Variants in IMMP2L observed in about 807,000 individuals in gnomAD.
IMMP2L encodes the protein mitochondrial inner membrane protease subunit 2.
A neutral mutation model predicts 19.3 loss-of-function variants in IMMP2L; 18 were observed. The observed-to-expected ratio is 0.93, with a 90% CI of 0.64 to 1.38. The LOEUF is 1.38. Ranked by LOEUF, IMMP2L falls within the 40% of genes most tolerant of loss-of-function variation. The pLI is 0.00. For missense variants in IMMP2L, 233 were observed against 218.2 expected (o/e 1.07, Z -0.43); for synonymous variants, 76 against 73.0 (o/e 1.04, Z -0.21).
chr7:111,306,701 G>GCATT, intron 3 of IMMP2L, among the ~76,000 whole-genome samples: 1 of 148,896 alleles, frequency 6.7e-6, no homozygotes, highest in Non-Finnish European at 1.5e-5. Context: ...AAGCTGTAAT[G>GCATT]ATGAGATCTC....
intron 5 of IMMP2L, among the ~76,000 whole-genome samples, chr7:110,723,489 A>G (rs1046475123): frequency 3.3e-5 from 5 of 151,106 alleles, no homozygotes; most frequent in African/African-American, 1.2e-4. Flanking sequence ...TAAAGGGAAT[A>G]AAAGGTAGCT....
chr7:111,442,934 C>T (rs1294758392), intron 3 of IMMP2L, among the ~76,000 whole-genome samples: 1 of 151,856 alleles, frequency 6.6e-6, no homozygotes, highest in Non-Finnish European at 1.5e-5. Context: ...GAAAAAAAGC[C>T]TCTATGTTGA....
intron 4 of IMMP2L, among the ~76,000 whole-genome samples, chr7:110,948,513 G>T (rs1399123570): frequency 6.6e-6 from 1 of 152,136 alleles, no homozygotes; most frequent in African/African-American, 2.4e-5. Context: ...GCTTATAAAA[G>T]AAGCTATAAA....
chr7:111,049,118 C>CTTT (rs1181540031), intron 3 of IMMP2L, among the ~76,000 whole-genome samples: 20 of 28,102 alleles, frequency 7.1e-4, no homozygotes, highest in Admixed American at 1.4e-3. Flanking sequence ...TATGATACTT[C>CTTT]TTTTTTTTTT....
intron 3 of IMMP2L, among the ~76,000 whole-genome samples, chr7:111,302,320 G>A (rs1822345310): frequency 6.6e-6 from 1 of 151,992 alleles, no homozygotes; most frequent in African/African-American, 2.4e-5. Flanking sequence ...TTGTCTCCCT[G>A]ACCTCCTGAA....
chr7:111,339,985 C>T (rs1326853486), intron 3 of IMMP2L, among the ~76,000 whole-genome samples: 1 of 151,862 alleles, frequency 6.6e-6, no homozygotes, highest in Admixed American at 6.6e-5. Flanking sequence ...AAAGAAATAT[C>T]AATTCTTTGT....
chr7:111,465,426 C>T (rs1188917442), intron 3 of IMMP2L, among the ~76,000 whole-genome samples: 1 of 147,318 alleles, frequency 6.8e-6, no homozygotes, highest in Non-Finnish European at 1.5e-5. Context: ...ATTTTCCTCC[C>T]AAAATATGTG....
At chr7:111,289,511 A>T (rs544833344) in intron 3 of IMMP2L, among the ~76,000 whole-genome samples, 1 of 152,248 alleles carries the variant, frequency 6.6e-6, no homozygotes, top group African/African-American at 2.4e-5. Flanking sequence ...TTTGTAAGGT[A>T]ATCGTTATCA....
intron 3 of IMMP2L, among the ~76,000 whole-genome samples, chr7:111,010,522 C>T (rs940042941): frequency 2.6e-5 from 4 of 151,388 alleles, no homozygotes; most frequent in African/African-American, 9.6e-5. Flanking sequence ...TCCATTAAAA[C>T]TATGGAGATT....
chr7:110,851,896 G>A (rs2131532611), intron 5 of IMMP2L, among the ~76,000 whole-genome samples: 2 of 152,146 alleles, frequency 1.3e-5, no homozygotes, highest in South Asian at 4.1e-4. Flanking sequence ...TTTTATTTCA[G>A]TGTCGTTCTA....
At chr7:111,143,101 C>A (rs1803107243) in intron 3 of IMMP2L, among the ~76,000 whole-genome samples, 1 of 151,932 alleles carries the variant, frequency 6.6e-6, no homozygotes, top group Non-Finnish European at 1.5e-5. Context: ...TTGCAGATAT[C>A]ATGAAAAAAA....
intron 5 of IMMP2L, among the ~76,000 whole-genome samples, chr7:110,698,952 G>A (rs981243243): frequency 2.0e-5 from 3 of 152,110 alleles, no homozygotes; most frequent in East Asian, 1.9e-4. Flanking sequence ...CATGGTAATC[G>A]TTTTTATAGA....
intron 3 of IMMP2L, among the ~76,000 whole-genome samples, chr7:111,409,602 C>T (rs1834214231): frequency 6.6e-6 from 1 of 151,626 alleles, no homozygotes; most frequent in Non-Finnish European, 1.5e-5. Context: ...GTTAAATAAT[C>T]TTATGGTCTC....
chr7:110,713,516 A>G (rs1380592798), intron 5 of IMMP2L, among the ~76,000 whole-genome samples: 1 of 152,214 alleles, frequency 6.6e-6, no homozygotes, highest in Non-Finnish European at 1.5e-5. Flanking sequence ...CGGTATTTTC[A>G]GGATATTAAT....
intron 3 of IMMP2L, among the ~76,000 whole-genome samples, chr7:110,980,013 T>G (rs1029341424): frequency 6.6e-6 from 1 of 152,252 alleles, no homozygotes; most frequent in South Asian, 2.1e-4. Flanking sequence ...TCAAGTGCTA[T>G]CATATTTTTA....
At chr7:111,049,709 C>G (rs1324791002) in intron 3 of IMMP2L, among the ~76,000 whole-genome samples, 1 of 152,138 alleles carries the variant, frequency 6.6e-6, no homozygotes, top group Non-Finnish European at 1.5e-5. Context: ...AACTATTTGT[C>G]AAATACTTCC....
chr7:111,297,166 G>A (rs1278636548), intron 3 of IMMP2L, among the ~76,000 whole-genome samples: 1 of 152,028 alleles, frequency 6.6e-6, no homozygotes, highest in African/African-American at 2.4e-5. Context: ...ATCTACAAAT[G>A]TGACAAATTC....
intron 4 of IMMP2L, among the ~76,000 whole-genome samples, chr7:110,928,583 T>C (rs1256450451): frequency 6.7e-6 from 1 of 150,188 alleles, no homozygotes; most frequent in African/African-American, 2.4e-5. Context: ...AATCAAACAG[T>C]AATACACATA....
intron 2 of IMMP2L, among the ~76,000 whole-genome samples, chr7:111,511,048 C>T (rs1845392092): frequency 6.6e-6 from 1 of 152,120 alleles, no homozygotes; most frequent in Admixed American, 6.5e-5. Context: ...TGGCACTTCA[C>T]TTCCTCCCAT....
Sources: allele counts gnomAD v4.1 joint callset (sites outside exome capture counted in the v4.1 genomes callset), GRCh38; gene constraint gnomAD v4.1.1; transcripts MANE v1.5; gene names NCBI Gene and HGNC (gene_info 2026-07-23, HGNC 2026-07-21).